Variants in REDIC1 observed in about 807,000 individuals in gnomAD.
REDIC1 encodes HEI10 Interacting Protein 1.
the REDIC1 span, among the ~76,000 whole-genome samples, chr12:39,643,277 C>G: frequency 6.6e-6 from 1 of 151,454 alleles, no homozygotes; most frequent in Non-Finnish European, 1.5e-5. Flanking sequence ...AAACAAACAT[C>G]TGGGAATCAT....
the REDIC1 span, among the ~76,000 whole-genome samples, chr12:39,891,207 A>C: frequency 6.7e-6 from 1 of 149,920 alleles, no homozygotes; most frequent in Non-Finnish European, 1.5e-5. Context: ...CAGTCTCTCC[A>C]TCATTATTTC....
the REDIC1 span, among the ~76,000 whole-genome samples, chr12:39,838,662 A>G: frequency 6.6e-6 from 1 of 152,100 alleles, no homozygotes; most frequent in Non-Finnish European, 1.5e-5. Flanking sequence ...TGTCTAAGGA[A>G]GAGAAAGGAT....
the REDIC1 span, among the ~76,000 whole-genome samples, chr12:39,785,252 G>A: frequency 6.6e-6 from 1 of 152,180 alleles, no homozygotes. Context: ...GCTGTGTGCA[G>A]CCTAGAGACT....
the REDIC1 span, among the ~76,000 whole-genome samples, chr12:39,703,706 A>T: frequency 1.2e-4 from 19 of 152,254 alleles, no homozygotes; most frequent in African/African-American, 4.3e-4. Flanking sequence ...TCACCAAGAC[A>T]GCATGGTACT....
the REDIC1 span, among the ~76,000 whole-genome samples, chr12:39,626,757 G>A: frequency 6.6e-6 from 1 of 152,164 alleles, no homozygotes; most frequent in Non-Finnish European, 1.5e-5. Context: ...GCATGAATTT[G>A]GAAATTGTGA....
chr12:39,738,138 C>T, the REDIC1 span, among the ~76,000 whole-genome samples: 1 of 152,178 alleles, frequency 6.6e-6, no homozygotes, highest in African/African-American at 2.4e-5. Context: ...ATTTCACACT[C>T]ATAGAATTTG....
At chr12:39,649,275 G>A in the REDIC1 span, among the ~76,000 whole-genome samples, 1 of 151,674 alleles carries the variant, frequency 6.6e-6, no homozygotes, top group Admixed American at 6.6e-5. Context: ...CGTACTTGGA[G>A]GAATTTCAAA....
At chr12:39,821,125 CA>C in the REDIC1 span, among the ~76,000 whole-genome samples, 3 of 151,818 alleles carry the variant, frequency 2.0e-5, no homozygotes, top group East Asian at 3.9e-4. Context: ...TTTTATAACT[CA>C]AAAAAAATTT....
At chr12:39,691,355 A>G in the REDIC1 span, among the ~76,000 whole-genome samples, 2 of 152,306 alleles carry the variant, frequency 1.3e-5, no homozygotes. Context: ...CAGAGAATGT[A>G]TAGAAAAAAA....
the REDIC1 span, among the ~76,000 whole-genome samples, chr12:39,675,842 G>T: frequency 1.3e-5 from 2 of 152,114 alleles, no homozygotes; most frequent in South Asian, 4.1e-4. Context: ...TCACTGGGGG[G>T]CTAGACCCAA....
chr12:39,817,415 T>G, the REDIC1 span, among the ~76,000 whole-genome samples: 2 of 128,808 alleles, frequency 1.6e-5, no homozygotes, highest in African/African-American at 5.1e-5. Context: ...CTTCTAGTTG[T>G]GGGTCATCTG....
the REDIC1 span, chr12:39,640,959 A>G: frequency 1.2e-6 from 2 of 1,610,010 alleles, no homozygotes; most frequent in South Asian, 1.1e-5. Flanking sequence ...TTTCAGGTCC[A>G]GGGTTCTGAT....
chr12:39,696,845 G>A, the REDIC1 span, among the ~76,000 whole-genome samples: 2 of 152,104 alleles, frequency 1.3e-5, no homozygotes, highest in Non-Finnish European at 2.9e-5. Flanking sequence ...GAATTAGTGA[G>A]CTTGAAAGCA....
chr12:39,763,522 C>A, the REDIC1 span, among the ~76,000 whole-genome samples: 1 of 152,150 alleles, frequency 6.6e-6, no homozygotes, highest in East Asian at 1.9e-4. Flanking sequence ...AAGGCACAGT[C>A]CTGGCCCTCC....
the REDIC1 span, among the ~76,000 whole-genome samples, chr12:39,871,214 T>C: frequency 1.3e-5 from 2 of 152,106 alleles, no homozygotes; most frequent in African/African-American, 2.4e-5. Flanking sequence ...ACACAAAAGA[T>C]ACTTGGGAAT....
chr12:39,647,629 T>C, the REDIC1 span, among the ~76,000 whole-genome samples: 1 of 152,068 alleles, frequency 6.6e-6, no homozygotes, highest in African/African-American at 2.4e-5. Context: ...AACCACTCTC[T>C]TCCTAGTAAG....
the REDIC1 span, among the ~76,000 whole-genome samples, chr12:39,713,888 C>T: frequency 1.4e-5 from 2 of 147,554 alleles, no homozygotes; most frequent in African/African-American, 2.5e-5. Context: ...TACGTATATA[C>T]ACTTATACGT....
At chr12:39,810,998 T>G in the REDIC1 span, among the ~76,000 whole-genome samples, 3 of 152,138 alleles carry the variant, frequency 2.0e-5, no homozygotes, top group East Asian at 5.8e-4. Flanking sequence ...TTATATAGGA[T>G]TGGCATTATT....
the REDIC1 span, among the ~76,000 whole-genome samples, chr12:39,692,942 A>C: frequency 6.6e-6 from 1 of 152,086 alleles, no homozygotes; most frequent in Non-Finnish European, 1.5e-5. Context: ...ACATGTTTTC[A>C]CCAACAATAT....
Sources: gnomAD v4.1 joint callset for allele counts (sites outside exome capture counted in the v4.1 genomes callset) on GRCh38, gnomAD v4.1.1 for gene constraint, MANE v1.5 for transcripts, NCBI Gene and HGNC (gene_info 2026-07-23, HGNC 2026-07-21) for gene names.